The following EAF1 variants were observed in gnomAD, a reference collection of about 807,000 sequenced individuals.
EAF1 encodes the protein ELL-associated factor 1.
EAF1 carries 19 observed loss-of-function variants against 26.6 expected under a neutral mutation model. The observed-to-expected ratio is 0.71, with a 90% CI of 0.50 to 1.05. The LOEUF (loss-of-function observed/expected upper bound fraction) is 1.05, where lower values mean the gene tolerates loss of function less well. Ranked by LOEUF, EAF1 falls within the 50% of genes least tolerant of loss-of-function variation. The probability of loss-of-function intolerance (pLI) is 0.00; values close to 1 mark genes in which losing one functional copy is unlikely to be tolerated. For synonymous variants in EAF1, 102 were observed against 120.6 expected (o/e 0.85, Z 1.01); for missense variants, 260 against 335.5 (o/e 0.78, Z 1.76).
At position 15,441,763 on chromosome 3, in the gene EAF1, C is replaced by T. The variant is rs923156764; in HGVS notation, c.*2608C>T. On this transcript the variant is annotated 3_prime_UTR_variant, in exon 6 of 6. Transcript: ENST00000396842. ...GGAATGGACATTCAAATGGTTGTAG[C>T]CTGGTGGGGTAGAAGGCAGAGAAGA... 5.2e-5 allele frequency: 8 copies of T among 152,514 alleles called. No homozygotes were observed. Among genetic ancestry groups the T allele is most frequent in the Non-Finnish European group, 1.2e-4 (8 of 68,036 alleles). 9.4% of individuals were successfully genotyped at this position (152,514 alleles called of 1,614,324 possible).
rs2061792094 is a variant in EAF1, at chr3:15,429,817, ATC to A, written c.104-94_104-93del. The stretch of plus-strand genomic sequence containing the variant: ...TCTAAATTATTTTTATTTTCCATTC[ATC>A]TGAGTAATAATTTTAATTCTTAAAT... On this transcript the variant is annotated intron_variant, in intron 1 of 5. Transcript: ENST00000396842. 5 of 770,694 alleles carry A rather than the reference ATC, an allele frequency of 6.5e-6. No individual in the cohort carries two copies. The East Asian group carries it at 1.3e-4, about 20-fold the overall frequency. The allele number at this position is 770,694 out of a possible 1,614,324, so 47.7% of individuals were successfully genotyped here. A position where few individuals can be genotyped will look rare whatever the true frequency, so the allele number is the denominator to read the frequency against.
At chr3:15,429,834 A>G (rs544019724) in intron 1 of EAF1, 79 bp from the exon 2 acceptor site, 2 of 852,210 alleles carry the variant, frequency 2.3e-6, no homozygotes, top group South Asian at 2.9e-5. Context: ...TAATAATTTT[A>G]ATTCTTAAAT....
chr3:15,435,270 T>C (rs2061828128), intron 4 of EAF1, among the ~76,000 whole-genome samples: 1 of 152,234 alleles, frequency 6.6e-6, no homozygotes, highest in East Asian at 1.9e-4. Context: ...TTACCTTGGC[T>C]TTCTCCTTCA....
At chr3:15,429,815 T>C (rs112004470) in intron 1 of EAF1, 98 bp from the exon 2 acceptor site, 23 of 755,646 alleles carry the variant, frequency 3.0e-5, no homozygotes, top group African/African-American at 8.9e-5. Context: ...TATTTTCCAT[T>C]CATCTGAGTA....
At chr3:15,429,333 C>T (rs2061785845) in intron 1 of EAF1, among the ~76,000 whole-genome samples, 1 of 149,042 alleles carries the variant, frequency 6.7e-6, no homozygotes, top group African/African-American at 2.5e-5. Context: ...GACCCCATCA[C>T]TATTAAAAAA....
intron 1 of EAF1, among the ~76,000 whole-genome samples, chr3:15,429,284 G>A (rs1377756673): frequency 6.6e-6 from 1 of 151,912 alleles, no homozygotes; most frequent in African/African-American, 2.4e-5. Context: ...CAGATAGCTT[G>A]AGCCCAGGAG....
In EAF1 at chr3:15,441,092, C is replaced by T. The variant is rs1164383198; in HGVS notation, c.*1937C>T. ...TCAAGACGTGTTTCTATAGGAAATG[C>T]TTGCACGTGGCACTGGCTTGGTGAG... On this transcript the variant is annotated 3_prime_UTR_variant, in exon 6 of 6. Transcript: ENST00000396842. 6.6e-6 allele frequency: 1 copy of T among 152,658 alleles called. No individual in the cohort carries two copies. Among genetic ancestry groups the T allele is most frequent in the Non-Finnish European group, 1.5e-5 (1 of 68,048 alleles). 9.5% of individuals were successfully genotyped at this position (152,658 alleles called of 1,614,324 possible).
At position 15,439,355 on chromosome 3, in the gene EAF1, C is replaced by A; in HGVS notation, c.*200C>A. On this transcript the variant is annotated 3_prime_UTR_variant, in exon 6 of 6. Transcript: ENST00000396842. ...TTCTCGTGTCATTTTTGAACAATCT[C>A]ATCTTTCAAAGTTTAAGTAGACCTG... is the stretch of plus-strand genomic sequence containing the variant. 1 of 476,662 alleles carries A rather than the reference C, an allele frequency of 2.1e-6. No individual in the cohort carries two copies. The highest frequency in any genetic ancestry group is 3.7e-6 in the Non-Finnish European group (1 of 269,116). 29.5% of individuals were successfully genotyped at this position (476,662 alleles called of 1,614,324 possible). A position where few individuals can be genotyped will look rare whatever the true frequency, so the allele number is the denominator to read the frequency against.
At chr3:15,433,736 T>G (rs2061815854) in intron 3 of EAF1, among the ~76,000 whole-genome samples, 1 of 152,246 alleles carries the variant, frequency 6.6e-6, no homozygotes, top group Non-Finnish European at 1.5e-5. Context: ...CATGCACTCA[T>G]GATTATAATT....
chr3:15,437,458 T>A (rs1008511087), intron 5 of EAF1, among the ~76,000 whole-genome samples: 1 of 152,014 alleles, frequency 6.6e-6, no homozygotes, highest in Admixed American at 6.6e-5. Context: ...CAGCCATTTT[T>A]AAAATTTTCT....
chr3:15,439,200 C>T lies in EAF1; in HGVS notation c.*45C>T, dbSNP rs763445008. On this transcript the variant is annotated 3_prime_UTR_variant, in exon 6 of 6. Transcript: ENST00000396842. ...TACTTTTTGGTGCACAAACATGCCGCAAGACTGAGCTACTTTGGCGTGGAG... is the reference window on the plus strand; with the variant it reads ...TACTTTTTGGTGCACAAACATGCCGTAAGACTGAGCTACTTTGGCGTGGAG... 1 of 1,590,892 alleles carries T rather than the reference C, an allele frequency of 6.3e-7. No homozygotes were observed.
intron 5 of EAF1, among the ~76,000 whole-genome samples, chr3:15,437,590 GTGTTT>G (rs2061843310): frequency 6.6e-6 from 1 of 152,182 alleles, no homozygotes; most frequent in South Asian, 2.1e-4. Context: ...TGGCCTCGGT[GTGTTT>G]TAATGCAGTT....
intron 1 of EAF1, 41 bp from the exon 2 acceptor site, chr3:15,429,872 A>T: frequency 1.5e-6 from 2 of 1,330,082 alleles, no homozygotes; most frequent in South Asian, 2.4e-5. Context: ...CCTTATTATA[A>T]GTAACCTGGT....
In EAF1 at chr3:15,432,104, G is replaced by A. The variant is rs559635767; in HGVS notation, c.216G>A (p.Met72Ile). Residue 72 changes from methionine (M) to isoleucine (I), a missense_variant, in exon 3 of 6, where the codon ATG becomes ATA. Physicochemically the swap from Met to Ile is conservative, Grantham distance 10 (BLOSUM62 1). Transcript: ENST00000396842. Reference sequence around the variant, plus strand: ...GCAAATAGGGATCCACACCACCCATGACTGTGTTCAAGGGGAACAAACGGC... The same window carrying A: ...GCAAATAGGGATCCACACCACCCATAACTGTGTTCAAGGGGAACAAACGGC... ...LPHIPGSTPP[M>I]TVFKGNKRPY... The A allele has an allele frequency of 6.2e-7, 1 of 1,614,100 alleles. No individual in the cohort carries two copies. The highest frequency in any genetic ancestry group is 1.1e-5 in the South Asian group (1 of 91,068).
At chr3:15,428,768 A>G (rs1326283943) in intron 1 of EAF1, among the ~76,000 whole-genome samples, 1 of 152,218 alleles carries the variant, frequency 6.6e-6, no homozygotes, top group Non-Finnish European at 1.5e-5. Flanking sequence ...GTGATTCATG[A>G]ACTTCTGGTT....
At chr3:15,438,907 A>G (rs1304330793) in intron 5 of EAF1, 1 of 549,426 alleles carries the variant, frequency 1.8e-6, no homozygotes, top group African/African-American at 1.9e-5. Context: ...CCTAATATGC[A>G]GTATTGTTGT....
chr3:15,430,221 G>A (rs1030174240), intron 2 of EAF1, among the ~76,000 whole-genome samples: 6 of 152,030 alleles, frequency 3.9e-5, no homozygotes, highest in African/African-American at 1.5e-4. Context: ...CATTTTGGGA[G>A]GTGGAAGTGG....
At chr3:15,436,759 T>C (rs1026145676) in intron 5 of EAF1, 184 bp downstream of exon 5, 4 of 489,602 alleles carry the variant, frequency 8.2e-6, no homozygotes, top group Non-Finnish European at 1.4e-5. Flanking sequence ...GAAAAATCTG[T>C]TCTTTCTATT....
rs953769029 is a variant in EAF1 at position 15,433,660 on chromosome 3, G to A, written c.336-688G>A. On this transcript the variant is annotated intron_variant, in intron 3 of 5. Coordinates refer to ENST00000396842, the MANE Select transcript of EAF1 (RefSeq NM_033083.7). ...TGGCATGTGATGAAATGAACAAGCA[G>A]TATATAGATAATGGAAAAAATTTTC... Among the ~76,000 whole-genome samples the A allele has an allele frequency of 3.9e-5, 6 of 152,252 alleles. No individual in the cohort carries two copies. The East Asian group carries it at 5.8e-4, about 15-fold the overall frequency.
Sources: gnomAD v4.1 joint callset for allele counts (sites outside exome capture counted in the v4.1 genomes callset) on GRCh38, gnomAD v4.1.1 for gene constraint, MANE v1.5 for transcripts, NCBI Gene and HGNC (gene_info 2026-07-23, HGNC 2026-07-21) for gene names.